NEB: variants seen among roughly 807,000 people sequenced by gnomAD.
NEB encodes the protein nemaline myopathy type 2.
NEB carries 512 observed loss-of-function variants against 952.2 expected under a neutral mutation model. That is an observed-to-expected ratio of 0.54 (90% CI 0.50 to 0.58). The LOEUF (loss-of-function observed/expected upper bound fraction) is 0.58, where lower values mean the gene tolerates loss of function less well. Ranked by LOEUF, NEB falls within the 20% of genes least tolerant of loss-of-function variation. The pLI is 0.00. For missense variants in NEB, 8,428 were observed against 9,231.1 expected (o/e 0.91, Z 3.56); for synonymous variants, 2,900 against 3,149.8 (o/e 0.92, Z 2.66).
Position 151,540,260 on chromosome 2 carries a change from A to G in NEB, c.20892+84T>C, listed in dbSNP as rs1559700916. On this transcript the variant is annotated intron_variant, in intron 138 of 181. Transcript: ENST00000397345. ...TAGGCCATGGTTTAGAACTATGGAT[A>G]TGGCTGAAATATGTTATGTTTCTTA... The G allele has an allele frequency of 5.0e-6, 4 of 803,880 alleles. No homozygotes were observed. In the South Asian group the frequency reaches 6.3e-5, roughly 13 times the overall value. 49.8% of individuals were successfully genotyped at this position (803,880 alleles called of 1,614,324 possible).
rs71000481 is a variant in NEB, at chr2:151,620,347, GTATATATATATATATATATA to G, written c.10560+552_10560+571del. ...TTATTATATATATATGTATGTGTGT[GTATATATATATATATATATA>G]TATATATATATATATATATATATAT... On this transcript the variant is annotated intron_variant, in intron 72 of 181. Coordinates refer to ENST00000397345, the MANE Select transcript of NEB (RefSeq NM_001164508.2). Among the ~76,000 whole-genome samples, 450 of 48,476 alleles carry G rather than the reference GTATATATATATATATATATA, an allele frequency of 9.3e-3. 10 individuals are homozygous for G. The highest frequency in any genetic ancestry group is 0.023 in the Admixed American group (86 of 3,714). 31.8% of individuals were successfully genotyped at this position (48,476 alleles called of 152,430 possible).
Position 151,692,180 on chromosome 2 carries a change from C to T in NEB, c.1999-14G>A. 6.2e-7 allele frequency: 1 copy of T among 1,611,364 alleles called. No homozygotes were observed. The highest frequency in any genetic ancestry group is 8.5e-7 in the Non-Finnish European group (1 of 1,177,586). On this transcript the variant is annotated splice_polypyrimidine_tract_variant and intron_variant, in intron 21 of 181. Coordinates refer to ENST00000397345, the MANE Select transcript of NEB (RefSeq NM_001164508.2). ...TTTATATCTAGCCTGAAAAATAAAACAAATGTAATTCAAGTTAACAATCAT... is the reference window on the plus strand; with the variant it reads ...TTTATATCTAGCCTGAAAAATAAAATAAATGTAATTCAAGTTAACAATCAT...
chr2:151,658,456 C>T (rs1281281234), intron 47 of NEB, among the ~76,000 whole-genome samples: 1 of 151,740 alleles, frequency 6.6e-6, no homozygotes, highest in Non-Finnish European at 1.5e-5. Context: ...GTTTTAGAAT[C>T]AGCACTTTTA....
intron 71 of NEB, among the ~76,000 whole-genome samples, chr2:151,621,289 T>C (rs1230175630): frequency 1.3e-5 from 2 of 152,212 alleles, no homozygotes; most frequent in Admixed American, 1.3e-4. Flanking sequence ...CACCTCTTAA[T>C]GTGTTTAGAT....
chr2:151,732,323 C>T (rs530698691), intron 3 of NEB, among the ~76,000 whole-genome samples: 13 of 151,694 alleles, frequency 8.6e-5, no homozygotes, highest in Middle Eastern at 6.8e-3. Context: ...AGGCAAGAGC[C>T]GGTGAGGAAA....
chr2:151,493,730 A>C (rs1303702556), intron 175 of NEB, 45 bp downstream of exon 175: 2 of 1,367,088 alleles, frequency 1.5e-6, no homozygotes, highest in Non-Finnish European at 2.0e-6. Flanking sequence ...CATGTTTGCC[A>C]GGGCTGTTAA....
intron 179 of NEB, chr2:151,491,435 G>T: frequency 1.5e-5 from 5 of 338,638 alleles, no homozygotes; most frequent in Non-Finnish European, 2.8e-5. Flanking sequence ...TTTTTCTTTG[G>T]AAGAAAAATT....
At chr2:151,610,230 G>T (rs1366323074) in intron 80 of NEB, 110 bp from the exon 81 acceptor site, 12 of 927,366 alleles carry the variant, frequency 1.3e-5, no homozygotes, top group Admixed American at 2.9e-5. Flanking sequence ...AAACATTTTG[G>T]CATCTCTGAA....
chr2:151,575,568 C>A, intron 107 of NEB, 127 bp downstream of exon 107: 2 of 696,558 alleles, frequency 2.9e-6, no homozygotes, highest in Admixed American at 5.1e-5. Context: ...CAAGGGGTGA[C>A]CACAAGGAGT....
intron 23 of NEB, 94 bp downstream of exon 23, chr2:151,691,770 A>C: frequency 2.1e-6 from 2 of 935,826 alleles, no homozygotes; most frequent in South Asian, 2.9e-5. Context: ...CCTTCTAATC[A>C]CTAGATATTA....
intron 154 of NEB, 25 bp from the exon 155 acceptor site, chr2:151,519,094 A>G (rs768250866): frequency 1.4e-6 from 2 of 1,407,522 alleles, no homozygotes; most frequent in Non-Finnish European, 1.0e-6. Flanking sequence ...GGAAGAAAGG[A>G]AATCACGTAA....
At chr2:151,682,820 T>G in intron 28 of NEB, 51 bp from the exon 29 acceptor site, 1 of 1,470,668 alleles carries the variant, frequency 6.8e-7, no homozygotes, top group Non-Finnish European at 9.4e-7. Flanking sequence ...ATCCTCATTA[T>G]GTAAAATCAT....
In NEB at chr2:151,627,800, C is replaced by T. The variant is rs371490023; in HGVS notation, c.9866G>A (p.Gly3289Asp). The T allele has an allele frequency of 4.4e-5, 71 of 1,613,742 alleles. No homozygotes were observed. Among genetic ancestry groups the T allele is most frequent in the Admixed American group, 4.3e-4 (26 of 59,986 alleles). ...AATGTTCCGGGCTCCAATGTGGTGG[C>T]CGAGCTGCTTGCGGTAACCATCTTT... ...KYKDGYRKQLGHHIGARNIED... is the reference protein window; with the variant it reads ...KYKDGYRKQLDHHIGARNIED... Residue 3289 changes from glycine to aspartate, a missense_variant, in exon 69 of 182, where the codon GGC (glycine) becomes GAC (aspartate). By Grantham distance (94) the Gly-to-Asp change is moderately conservative (BLOSUM62 -1). This residue lies in a region of NEB where 1,772 missense variants were observed against 1,960.3 expected (regional missense o/e 0.90). Coordinates refer to ENST00000397345, the MANE Select transcript of NEB (RefSeq NM_001164508.2).
At chr2:151,578,187 C>G (rs984537612) in intron 105 of NEB, among the ~76,000 whole-genome samples, 60 of 152,062 alleles carry the variant, frequency 3.9e-4, no homozygotes, top group African/African-American at 1.4e-3. Flanking sequence ...CTTCTGTAAT[C>G]CATCATTTCC....
chr2:151,500,499 C>CTGA (rs1441492896), intron 168 of NEB, among the ~76,000 whole-genome samples: 3 of 149,850 alleles, frequency 2.0e-5, no homozygotes, highest in East Asian at 2.0e-4. Flanking sequence ...AGCTCATGAT[C>CTGA]TGATTTGTAT....
At position 151,525,784 on chromosome 2, in the gene NEB, G is replaced by A. The variant is rs145812321; in HGVS notation, c.22161+174C>T. 8.9e-3 allele frequency among the ~76,000 whole-genome samples: 1,363 copies of A among 152,304 alleles called. 10 individuals carry two copies. Among genetic ancestry groups the A allele is most frequent in the Non-Finnish European group, 0.013 (915 of 68,032 alleles). ...ACATTTGCCATAATTGCCAGAATTG[G>A]AAAGCCAATAAATACTGGGTCATTT... On this transcript the variant is annotated intron_variant, in intron 150 of 181. Transcript: ENST00000397345.
At chr2:151,498,631 A>C (rs1454060527) in intron 169 of NEB, among the ~76,000 whole-genome samples, 2 of 152,202 alleles carry the variant, frequency 1.3e-5, no homozygotes, top group African/African-American at 4.8e-5. Context: ...GTGAAAGAGC[A>C]ATTAGTCTTT....
chr2:151,686,227 C>A (rs2099497222), intron 27 of NEB, among the ~76,000 whole-genome samples: 1 of 152,182 alleles, frequency 6.6e-6, no homozygotes, highest in Non-Finnish European at 1.5e-5. Context: ...TGTCAAAGAT[C>A]CAAATGGCTT....
intron 129 of NEB, 21 bp downstream of exon 129, chr2:151,551,717 T>C: frequency 1.9e-6 from 3 of 1,588,978 alleles, no homozygotes; most frequent in Non-Finnish European, 2.6e-6. Flanking sequence ...TGCTGGGCAC[T>C]CTCAAGTTCT....
Sources: allele counts gnomAD v4.1 joint callset (sites outside exome capture counted in the v4.1 genomes callset), GRCh38; gene constraint gnomAD v4.1.1; regional missense constraint gnomAD v4.1.1; transcripts MANE v1.5; gene names NCBI Gene and HGNC (gene_info 2026-07-23, HGNC 2026-07-21).